Variants in RESF1 observed in about 807,000 individuals in gnomAD.
RESF1 encodes retroelement silencing factor 1, also known as gonad expressed transcript.
Under a neutral mutation model 134.7 loss-of-function variants are expected in RESF1, and 65 were observed. The observed-to-expected ratio is 0.48, with a 90% CI of 0.40 to 0.59. RESF1 has a LOEUF of 0.59. Among genes scored for constraint, RESF1 ranks in the 20% least tolerant of loss-of-function variants. The probability of loss-of-function intolerance (pLI) is 0.00; values close to 1 mark genes in which losing one functional copy is unlikely to be tolerated. For missense variants in RESF1, 2,274 were observed against 2,002.7 expected (o/e 1.14, Z -2.59); for synonymous variants, 762 against 702.2 (o/e 1.09, Z -1.35).
rs112291035 is a variant in RESF1 at position 31,985,203 on chromosome 12, A to G, written c.4248A>G (p.Glu1416=). 1,444 of 1,580,414 alleles carry G rather than the reference A, an allele frequency of 9.1e-4. 9 individuals carry two copies. The African/African-American group carries it at 0.017, about 18-fold the overall frequency. ...GTGACTCTTTGTCAAACCCAAACGA[A>G]AGAGCCATTGTTAAAGAAAAGATGG... is the stretch of plus-strand genomic sequence containing the variant. ...KLGDSLSNPN[E]RAIVKEKMVS... The change falls in exon 4 of 6, where the codon GAA becomes GAG. Residue 1416 remains glutamate, a synonymous_variant. Transcript: ENST00000312561.
At chr12:31,963,263 TTG>T (rs1939323816) in intron 2 of RESF1, among the ~76,000 whole-genome samples, 1 of 151,520 alleles carries the variant, frequency 6.6e-6, no homozygotes, top group East Asian at 1.9e-4. Context: ...GGAGAATTGC[TTG>T]AACCCAGGAG....
chr12:31,974,305 AG>A (rs1212739703), intron 3 of RESF1, among the ~76,000 whole-genome samples: 1 of 152,032 alleles, frequency 6.6e-6, no homozygotes. Context: ...CCAATCTACA[AG>A]AGTTTTAGGT....
intron 5 of RESF1, among the ~76,000 whole-genome samples, chr12:31,989,678 C>T (rs1940056082): frequency 6.6e-6 from 1 of 152,052 alleles, no homozygotes; most frequent in Non-Finnish European, 1.5e-5. Flanking sequence ...ATTATGAAAC[C>T]CCATGCCTAC....
intron 1 of RESF1, chr12:31,959,723 T>A (rs1156801743): frequency 6.6e-6 from 1 of 151,316 alleles, no homozygotes; most frequent in Non-Finnish European, 1.5e-5. Flanking sequence ...GCCGCCGCGC[T>A]TGCTTCTGCC....
chr12:31,992,732 A>C lies in RESF1; in HGVS notation c.*197A>C, dbSNP rs1940122897. Reference sequence around the variant, plus strand: ...TAGCCATGTGTAAGAAATGGATGGTATTCACCGGGGAAACAAGGTATTTGA... The same window carrying C: ...TAGCCATGTGTAAGAAATGGATGGTCTTCACCGGGGAAACAAGGTATTTGA... On this transcript the variant is annotated 3_prime_UTR_variant, in exon 6 of 6. Coordinates refer to ENST00000312561, the MANE Select transcript of RESF1 (RefSeq NM_018169.4). 2 of 582,734 alleles carry C rather than the reference A, an allele frequency of 3.4e-6. No individual in the cohort carries two copies. Among genetic ancestry groups the C allele is most frequent in the Non-Finnish European group, 3.1e-6 (1 of 327,860 alleles). The allele number at this position is 582,734 out of a possible 1,614,324, so 36.1% of individuals were successfully genotyped here.
At chr12:31,970,615 T>C (rs1939485389) in intron 3 of RESF1, among the ~76,000 whole-genome samples, 2 of 152,200 alleles carry the variant, frequency 1.3e-5, no homozygotes, top group African/African-American at 4.8e-5. Context: ...GGGGAGGTAT[T>C]GTGATACAAG....
chr12:31,977,167 C>T (rs1378367260), intron 3 of RESF1, among the ~76,000 whole-genome samples: 9 of 152,136 alleles, frequency 5.9e-5, no homozygotes, highest in South Asian at 2.1e-4. Flanking sequence ...TCCCCTATCC[C>T]GAGGGCATAA....
rs552422145 is a variant in RESF1 at position 31,964,379 on chromosome 12, T to G, written c.-247+3508T>G. Reference sequence around the variant, plus strand: ...TCATCATTTAGCTCCCACTTATGTGTGAAAGCATGCAATATTTGGTTTCCT... The same window carrying G: ...TCATCATTTAGCTCCCACTTATGTGGGAAAGCATGCAATATTTGGTTTCCT... On this transcript the variant is annotated intron_variant, in intron 2 of 5. Coordinates refer to ENST00000312561, the MANE Select transcript of RESF1 (RefSeq NM_018169.4). Among the ~76,000 whole-genome samples, 4 of 152,300 alleles carry G rather than the reference T, an allele frequency of 2.6e-5. No individual in the cohort carries two copies. The South Asian group carries it at 6.2e-4, about 24-fold the overall frequency.
chr12:31,985,062 T>A lies in RESF1; in HGVS notation c.4107T>A (p.Val1369=). The A allele has an allele frequency of 6.3e-7, 1 of 1,578,222 alleles. No homozygotes were observed. The highest frequency in any genetic ancestry group is 8.6e-7 in the Non-Finnish European group (1 of 1,169,280). ...AGATAAAATTGAAACTCAAATCAGT[T>A]AGCTTCAAACAAAAACGAAAGTTAG... is the stretch of plus-strand genomic sequence containing the variant. ...PEKIKLKLKS[V]SFKQKRKLDQ... The change falls in exon 4 of 6, where the codon GTT becomes GTA. Residue 1369 remains valine (V), a synonymous_variant. Coordinates refer to ENST00000312561, the MANE Select transcript of RESF1 (RefSeq NM_018169.4).
chr12:31,974,954 T>G (rs1939597797), intron 3 of RESF1, among the ~76,000 whole-genome samples: 1 of 150,622 alleles, frequency 6.6e-6, no homozygotes, highest in Non-Finnish European at 1.5e-5. Flanking sequence ...ACGGATAGAC[T>G]TTATTTTCTA....
At chr12:31,972,241 A>G (rs1466742627) in intron 3 of RESF1, among the ~76,000 whole-genome samples, 2 of 152,012 alleles carry the variant, frequency 1.3e-5, no homozygotes, top group African/African-American at 4.8e-5. Flanking sequence ...GGACATGGGA[A>G]TCCCAGTTTA....
rs774386061 is a variant in RESF1 at position 31,984,050 on chromosome 12, C to T, written c.3095C>T (p.Thr1032Ile). The T allele has an allele frequency of 1.9e-6, 3 of 1,614,088 alleles. No homozygotes were observed. The highest frequency in any genetic ancestry group is 4.5e-5 in the East Asian group (2 of 44,876). The change falls in exon 4 of 6, where the codon ACT becomes ATT. Residue 1032 changes from threonine to isoleucine, a missense_variant. Coordinates refer to ENST00000312561, the MANE Select transcript of RESF1 (RefSeq NM_018169.4). ...PQEIDASSNY[T>I]PQDPARNEIH... ...GAAATAGATGCATCCAGCAACTATACTCCCCAAGATCCTGCAAGAAATGAA... is the reference window on the plus strand; with the variant it reads ...GAAATAGATGCATCCAGCAACTATATTCCCCAAGATCCTGCAAGAAATGAA...
At position 31,970,833 on chromosome 12, in the gene RESF1, A is replaced by G. The variant is rs888407275; in HGVS notation, c.-79+477A>G. Reference sequence around the variant, plus strand: ...ACCTCAGTATTGTATCCTCCAACGAAAAAAGACAATTTGAGTATTAGGAGT... The same window carrying G: ...ACCTCAGTATTGTATCCTCCAACGAGAAAAGACAATTTGAGTATTAGGAGT... On this transcript the variant is annotated intron_variant, in intron 3 of 5. Coordinates refer to ENST00000312561, the MANE Select transcript of RESF1 (RefSeq NM_018169.4). 2.0e-5 allele frequency among the ~76,000 whole-genome samples: 3 copies of G among 152,194 alleles called. No homozygotes were observed. The East Asian group carries it at 5.8e-4, about 29-fold the overall frequency.
rs957695172 is a variant in RESF1, at chr12:31,970,573, T to C, written c.-79+217T>C. Reference sequence around the variant, plus strand: ...ACCTACAGATCACATTTGACAGTTTTAAGTAAACAAGCTTCCAGATTAACT... The same window carrying C: ...ACCTACAGATCACATTTGACAGTTTCAAGTAAACAAGCTTCCAGATTAACT... On this transcript the variant is annotated intron_variant, in intron 3 of 5. Coordinates refer to ENST00000312561, the MANE Select transcript of RESF1 (RefSeq NM_018169.4). Among the ~76,000 whole-genome samples, 9 of 151,890 alleles carry C rather than the reference T, an allele frequency of 5.9e-5. No homozygotes were observed. The East Asian group carries it at 1.7e-3, about 29-fold the overall frequency.
intron 3 of RESF1, among the ~76,000 whole-genome samples, 184 bp from the exon 4 acceptor site, chr12:31,980,682 CTGTTAAACACGT>C (rs1939761891): frequency 6.6e-6 from 1 of 152,162 alleles, no homozygotes. Flanking sequence ...GAATGAATTT[CTGTTAAACACGT>C]TAGAAATTTC....
rs995567468 is a variant in RESF1, at chr12:31,988,921, T to G, written c.5086+1599T>G. ...GTTGGCCAGGCTGGTCTCAAACTCC[T>G]GAACTCAGGTGATCCACCTGCCTCG... On this transcript the variant is annotated intron_variant, in intron 5 of 5. Transcript: ENST00000312561. 2.6e-5 allele frequency among the ~76,000 whole-genome samples: 4 copies of G among 151,810 alleles called. No homozygotes were observed. In the East Asian group the frequency reaches 7.9e-4, roughly 30 times the overall value.
intron 3 of RESF1, among the ~76,000 whole-genome samples, chr12:31,978,020 G>C (rs1347900953): frequency 1.3e-5 from 2 of 151,502 alleles, no homozygotes; most frequent in Non-Finnish European, 2.9e-5. Context: ...GTTCAGGCTG[G>C]TCTTGAACTT....
chr12:31,984,542 C>T lies in RESF1; in HGVS notation c.3587C>T (p.Ser1196Leu). The T allele has an allele frequency of 6.3e-7, 1 of 1,591,132 alleles. No homozygotes were observed. Residue 1196 changes from serine (S) to leucine (L), a missense_variant, in exon 4 of 6, where the codon TCA (serine) becomes TTA (leucine). By Grantham distance (145) the Ser-to-Leu change is moderately radical. Transcript: ENST00000312561. Reference sequence around the variant, plus strand: ...TGTCAGTGTAATTCCATCAAGAACTCATCTTCAGAGGAAGAGAAACAAAAA... The same window carrying T: ...TGTCAGTGTAATTCCATCAAGAACTTATCTTCAGAGGAAGAGAAACAAAAA... ...PQCQCNSIKN[S>L]SSEEEKQKEQ...
chr12:31,983,368 G>T lies in RESF1; in HGVS notation c.2413G>T (p.Ala805Ser). The T allele has an allele frequency of 6.2e-7, 1 of 1,613,978 alleles. No individual in the cohort carries two copies. The highest frequency in any genetic ancestry group is 8.5e-7 in the Non-Finnish European group (1 of 1,180,008). The change falls in exon 4 of 6, where the codon GCA (alanine) becomes TCA (serine). Residue 805 changes from alanine (A) to serine (S), a missense_variant. Coordinates refer to ENST00000312561, the MANE Select transcript of RESF1 (RefSeq NM_018169.4). ...TGTTTGTAGTTTACAAAATCAATTG[G>T]CAGAAAATGCAAAGGCAACTGCTGC... ...GSVCSLQNQL[A>S]ENAKATAALK...
Sources: gnomAD v4.1 joint callset for allele counts (sites outside exome capture counted in the v4.1 genomes callset) on GRCh38, gnomAD v4.1.1 for gene constraint, MANE v1.5 for transcripts, NCBI Gene and HGNC (gene_info 2026-07-23, HGNC 2026-07-21) for gene names.